SORCS2: variants seen among roughly 807,000 people sequenced by gnomAD.
The protein encoded by SORCS2 is VPS10 domain-containing receptor SorCS2.
SORCS2 carries 100 observed loss-of-function variants against 141.6 expected under a neutral mutation model. The observed-to-expected ratio is 0.71, with a 90% CI of 0.60 to 0.83. SORCS2 has a LOEUF of 0.83. SORCS2 is among the 40% of genes least tolerant of loss of function. SORCS2 has a pLI of 0.00. For synonymous variants in SORCS2, 789 were observed against 676.9 expected, an observed-to-expected ratio of 1.17 and a Z score of -2.57; for missense variants, 1,646 against 1,560.2, an observed-to-expected ratio of 1.05 and a Z score of -0.93.
chr4:7,392,316 G>A (rs908791441), intron 1 of SORCS2, among the ~76,000 whole-genome samples: 2 of 152,150 alleles, frequency 1.3e-5, no homozygotes, highest in African/African-American at 4.8e-5. Flanking sequence ...TAGGTGTCAG[G>A]AGGAGCGGGT....
rs796711414 is a variant in SORCS2 at position 7,729,433 on chromosome 4, C to A, written c.2983-154C>A. Among the ~76,000 whole-genome samples the A allele has an allele frequency of 6.4e-4, 97 of 152,140 alleles. 1 individual carries two copies. Among genetic ancestry groups the A allele is most frequent in the African/African-American group, 2.3e-3 (94 of 41,496 alleles). On this transcript the variant is annotated intron_variant, in intron 22 of 26. Transcript: ENST00000507866. ...GGGGGTAGCTCAGGGTACCCTGGGA[C>A]CCTGGAAGGATCCCCACGCCATGCA...
chr4:7,516,931 T>C (rs1374452172), intron 2 of SORCS2, among the ~76,000 whole-genome samples: 1 of 152,160 alleles, frequency 6.6e-6, no homozygotes, highest in Non-Finnish European at 1.5e-5. Context: ...CAGGCTGCAG[T>C]GTTCAAGCTC....
At chr4:7,285,930 C>T (rs930712834) in intron 1 of SORCS2, among the ~76,000 whole-genome samples, 1 of 152,150 alleles carries the variant, frequency 6.6e-6, no homozygotes, top group African/African-American at 2.4e-5. Flanking sequence ...GGCCGACAGC[C>T]TGGGGCTGCA....
intron 2 of SORCS2, among the ~76,000 whole-genome samples, chr4:7,502,932 A>G (rs1010416624): frequency 6.6e-6 from 1 of 152,210 alleles, no homozygotes; most frequent in South Asian, 2.1e-4. Flanking sequence ...GCTGATTTAA[A>G]TGCTATTTCA....
chr4:7,537,328 T>C (rs1042186264), intron 3 of SORCS2, among the ~76,000 whole-genome samples: 1 of 151,958 alleles, frequency 6.6e-6, no homozygotes, highest in Non-Finnish European at 1.5e-5. Context: ...CTGGGAAGAG[T>C]AGCAGCCATG....
chr4:7,478,460 G>T (rs1041788023), intron 2 of SORCS2, among the ~76,000 whole-genome samples: 1 of 150,252 alleles, frequency 6.7e-6, no homozygotes, highest in Non-Finnish European at 1.5e-5. Context: ...TCCTGGCCCC[G>T]ACCCCTGCTG....
chr4:7,538,997 C>T (rs970372187), intron 3 of SORCS2, among the ~76,000 whole-genome samples: 3 of 152,198 alleles, frequency 2.0e-5, no homozygotes, highest in Non-Finnish European at 4.4e-5. Flanking sequence ...AGCAGCCCTG[C>T]AGGGTAAGGA....
intron 2 of SORCS2, chr4:7,434,671 A>G (rs776084094): frequency 3.7e-6 from 6 of 1,612,622 alleles, no homozygotes; most frequent in Middle Eastern, 1.6e-4. Context: ...GGCGGCTGCT[A>G]TGTCCTGGCA....
At chr4:7,227,301 G>A (rs1462019650) in intron 1 of SORCS2, among the ~76,000 whole-genome samples, 1 of 152,176 alleles carries the variant, frequency 6.6e-6, no homozygotes. Context: ...TGTTTCCCTC[G>A]CATCTGTGCT....
rs567056116 is a variant in SORCS2, at chr4:7,628,281, C to T, written c.649-10047C>T. Among the ~76,000 whole-genome samples, 758 of 152,112 alleles carry T rather than the reference C, an allele frequency of 5.0e-3. 4 individuals are homozygous for T. Among genetic ancestry groups the T allele is most frequent in the Middle Eastern group, 0.01 (3 of 292 alleles). ...CTCATGCCTGTAATCCCAGCACCTTCGGAGGCCGAGGCGGGCGGATCACGA... is the reference window on the plus strand; with the variant it reads ...CTCATGCCTGTAATCCCAGCACCTTTGGAGGCCGAGGCGGGCGGATCACGA... On this transcript the variant is annotated intron_variant, in intron 3 of 26. Coordinates refer to ENST00000507866, the MANE Select transcript of SORCS2 (RefSeq NM_020777.3).
chr4:7,256,133 G>A (rs1713856492), intron 1 of SORCS2, among the ~76,000 whole-genome samples: 1 of 152,152 alleles, frequency 6.6e-6, no homozygotes, highest in Admixed American at 6.5e-5. Flanking sequence ...CAGGTGCCAG[G>A]AGGCCATGGG....
At chr4:7,633,711 AAAGC>A (rs1277868592) in intron 3 of SORCS2, among the ~76,000 whole-genome samples, 28 of 152,328 alleles carry the variant, frequency 1.8e-4, no homozygotes, top group African/African-American at 6.5e-4. Flanking sequence ...CCAGAGGTGA[AAAGC>A]AAACAAACAA....
chr4:7,691,986 C>T (rs115169679), intron 11 of SORCS2, among the ~76,000 whole-genome samples: 3 of 151,948 alleles, frequency 2.0e-5, no homozygotes, highest in Admixed American at 6.6e-5. Context: ...TTCCTCCCTC[C>T]CTGCTTGCCC....
intron 2 of SORCS2, among the ~76,000 whole-genome samples, chr4:7,478,020 C>G (rs1214692888): frequency 6.6e-6 from 1 of 152,182 alleles, no homozygotes; most frequent in African/African-American, 2.4e-5. Flanking sequence ...TGCTGGAGCC[C>G]CAGGGCCCAT....
At chr4:7,381,937 C>G in intron 1 of SORCS2, 1 of 986,410 alleles carries the variant, frequency 1.0e-6, no homozygotes, top group Non-Finnish European at 1.2e-6. Flanking sequence ...ACCAAGCTCT[C>G]CATTCCACTA....
At chr4:7,460,961 CT>C (rs55716345) in intron 2 of SORCS2, among the ~76,000 whole-genome samples, 25,173 of 152,004 alleles carry the variant, frequency 0.17, 2,112 homozygotes, top group Admixed American at 0.18. Flanking sequence ...GATTTCATTT[CT>C]CCCCCCTCTC....
At chr4:7,403,976 TATATATATATATATATATA>T (rs1560256638) in intron 2 of SORCS2, among the ~76,000 whole-genome samples, 6 of 6,838 alleles carry the variant, frequency 8.8e-4, no homozygotes, top group Admixed American at 2.0e-3. Flanking sequence ...TATATATATA[TATATATATATATATATATA>T]TATTTTTTTT....
intron 1 of SORCS2, among the ~76,000 whole-genome samples, chr4:7,305,180 T>C (rs888690787): frequency 2.9e-4 from 44 of 152,106 alleles, no homozygotes; most frequent in East Asian, 5.8e-4. Context: ...TGCAGGCGCC[T>C]GCCACCGCGC....
intron 3 of SORCS2, among the ~76,000 whole-genome samples, chr4:7,618,918 C>A (rs77721275): frequency 0.016 from 2,448 of 152,246 alleles, 58 homozygotes; most frequent in African/African-American, 0.055. Flanking sequence ...CCTGTGCCAT[C>A]CATGCCTGTG....
Sources: gnomAD v4.1 joint callset for allele counts (sites outside exome capture counted in the v4.1 genomes callset) on GRCh38, gnomAD v4.1.1 for gene constraint, MANE v1.5 for transcripts, NCBI Gene and HGNC (gene_info 2026-07-23, HGNC 2026-07-21) for gene names.